RNASEH1: variants seen among roughly 807,000 people sequenced by gnomAD.
The protein encoded by RNASEH1 is ribonuclease H1.
RNASEH1 carries 27 observed loss-of-function variants against 34.6 expected under a neutral mutation model. The observed-to-expected ratio is 0.78, with a 90% CI of 0.58 to 1.08. The LOEUF is 1.08. Ranked by LOEUF, RNASEH1 falls within the 50% of genes least tolerant of loss-of-function variation. RNASEH1 has a pLI of 0.00. For synonymous variants in RNASEH1, 162 were observed against 138.4 expected (o/e 1.17, Z -1.20); for missense variants, 349 against 373.6 (o/e 0.93, Z 0.54).
At chr2:3,556,543 A>C (rs1660519478) in intron 2 of RNASEH1, among the ~76,000 whole-genome samples, 1 of 152,086 alleles carries the variant, frequency 6.6e-6, no homozygotes, top group Non-Finnish European at 1.5e-5. Context: ...TTAAAAAAAG[A>C]CAAGGAATTA....
intron 6 of RNASEH1, 47 bp from the exon 7 acceptor site, chr2:3,548,102 CT>C: frequency 1.9e-6 from 3 of 1,608,816 alleles, no homozygotes; most frequent in African/African-American, 1.3e-5. Flanking sequence ...AGTGTCCTGC[CT>C]TTTTCACCTC....
chr2:3,551,140 C>T lies in RNASEH1; in HGVS notation c.410-668G>A, dbSNP rs536565518. Among the ~76,000 whole-genome samples the T allele has an allele frequency of 3.7e-4, 56 of 152,312 alleles. 1 individual carries two copies. The highest frequency in any genetic ancestry group is 1.2e-3 in the African/African-American group (49 of 41,568). Reference sequence around the variant, plus strand: ...GGCGAGAGGGCAAATAGAGGTGGTACGCGCAGGAAGTGGAAGTACTTGTCC... The same window carrying T: ...GGCGAGAGGGCAAATAGAGGTGGTATGCGCAGGAAGTGGAAGTACTTGTCC... On this transcript the variant is annotated intron_variant, in intron 3 of 7. Coordinates refer to ENST00000315212, the MANE Select transcript of RNASEH1 (RefSeq NM_002936.6).
At chr2:3,557,901 G>C (rs1354018977) in intron 1 of RNASEH1, 1 of 1,509,854 alleles carries the variant, frequency 6.6e-7, no homozygotes, top group Non-Finnish European at 8.9e-7. Context: ...TAACCTTTAC[G>C]CGACGTTTCT....
chr2:3,538,210 G>A (rs1347257515), downstream of RNASEH1, among the ~76,000 whole-genome samples: 3 of 151,450 alleles, frequency 2.0e-5, no homozygotes, highest in Non-Finnish European at 4.4e-5. Context: ...AAGTAGCCGG[G>A]CGTGGTGTTG....
At chr2:3,554,379 AAC>A (rs10532567) in intron 2 of RNASEH1, among the ~76,000 whole-genome samples, 11,953 of 152,302 alleles carry the variant, frequency 0.078, 624 homozygotes, top group Middle Eastern at 0.16. Flanking sequence ...GGAGGAAAAA[AAC>A]ACACTTGTCA....
intron 4 of RNASEH1, 104 bp from the exon 5 acceptor site, chr2:3,549,216 A>G: frequency 1.1e-6 from 1 of 935,730 alleles, no homozygotes; most frequent in Non-Finnish European, 1.7e-6. Context: ...TATTTGAAAT[A>G]TAAAAGCATC....
At chr2:3,557,659 GAAT>G (rs1660647091) in intron 1 of RNASEH1, 1 of 394,656 alleles carries the variant, frequency 2.5e-6, no homozygotes, top group African/African-American at 2.1e-5. Flanking sequence ...CTGAAAGTGA[GAAT>G]AATCCCTCTC....
chr2:3,547,364 C>G (rs568036233), intron 7 of RNASEH1, among the ~76,000 whole-genome samples: 18 of 152,152 alleles, frequency 1.2e-4, no homozygotes, highest in African/African-American at 3.4e-4. Context: ...TTTCGAGAAA[C>G]AGAGTCTCCC....
the RNASEH1 span, among the ~76,000 whole-genome samples, chr2:3,535,696 G>A: frequency 9.9e-5 from 15 of 152,172 alleles, no homozygotes; most frequent in Non-Finnish European, 1.8e-4. Context: ...TTTATTCTGA[G>A]AGGGACAAGG....
chr2:3,556,522 CAAGTATTTTTTTAAAAAA>C (rs1660515578), intron 2 of RNASEH1, among the ~76,000 whole-genome samples: 3 of 152,014 alleles, frequency 2.0e-5, no homozygotes, highest in Admixed American at 2.0e-4. Flanking sequence ...CCAGGCTGGA[CAAGTATTTTTTTAAAAAA>C]AGACAAGGAA....
intron 3 of RNASEH1, among the ~76,000 whole-genome samples, chr2:3,551,263 T>C (rs1447870818): frequency 1.3e-5 from 2 of 152,182 alleles, no homozygotes; most frequent in African/African-American, 4.8e-5. Flanking sequence ...GTGTGGGTGT[T>C]GGGCAGGGCT....
rs1034371415 is a variant in RNASEH1, at chr2:3,541,881, G to C, written c.*3904C>G. 6.6e-6 allele frequency among the ~76,000 whole-genome samples: 1 copy of C among 152,112 alleles called. No homozygotes were observed. The highest frequency in any genetic ancestry group is 1.5e-5 in the Non-Finnish European group (1 of 68,012). Reference sequence around the variant, plus strand: ...TAAAAAGCAAGGTGGGGCCGGCTTTGGTGGCTCACACCTGTAATCCCAGCA... The same window carrying C: ...TAAAAAGCAAGGTGGGGCCGGCTTTCGTGGCTCACACCTGTAATCCCAGCA... On this transcript the variant is annotated 3_prime_UTR_variant, in exon 8 of 8. Transcript: ENST00000315212.
At chr2:3,539,570 T>C (rs1292155185), downstream of RNASEH1, among the ~76,000 whole-genome samples, 1 of 152,130 alleles carries the variant, frequency 6.6e-6, no homozygotes, top group Admixed American at 6.6e-5. Flanking sequence ...GGAGACACAA[T>C]GCAGGCAGAT....
chr2:3,539,101 G>A (rs767996431), downstream of RNASEH1, among the ~76,000 whole-genome samples: 11 of 152,002 alleles, frequency 7.2e-5, no homozygotes, highest in Non-Finnish European at 1.3e-4. Context: ...TGTGATATGA[G>A]TTGCAACTTC....
chr2:3,532,247 A>T, the RNASEH1 span: 1 of 702,302 alleles, frequency 1.4e-6, no homozygotes, highest in Non-Finnish European at 2.6e-6. Context: ...AACATTTCTC[A>T]TGACCCTCAT....
Position 3,545,449 on chromosome 2 carries a change from T to C in RNASEH1, c.*336A>G, listed in dbSNP as rs965010580. The C allele has an allele frequency of 4.2e-5, 11 of 261,032 alleles. No homozygotes were observed. Among genetic ancestry groups the C allele is most frequent in the East Asian group, 8.0e-5 (1 of 12,432 alleles). 16.2% of individuals were successfully genotyped at this position (261,032 alleles called of 1,614,324 possible). On this transcript the variant is annotated 3_prime_UTR_variant, in exon 8 of 8. Coordinates refer to ENST00000315212, the MANE Select transcript of RNASEH1 (RefSeq NM_002936.6). ...CTTCTGAGTTGCATCTTTTAACCAA[T>C]GGTTTTTTGATTTCTTATCAAAATA...
At chr2:3,553,457 C>T (rs996961028) in intron 2 of RNASEH1, among the ~76,000 whole-genome samples, 1 of 151,550 alleles carries the variant, frequency 6.6e-6, no homozygotes, top group African/African-American at 2.4e-5. Context: ...GTGGCGCGAT[C>T]GTGGCTCACT....
At chr2:3,550,525 T>C (rs1659752950) in intron 3 of RNASEH1, 53 bp from the exon 4 acceptor site, 3 of 1,389,920 alleles carry the variant, frequency 2.2e-6, no homozygotes, top group Non-Finnish European at 3.1e-6. Flanking sequence ...AAAACTGAAA[T>C]TCACCTCAAA....
chr2:3,558,314 A>C lies in RNASEH1; in HGVS notation c.-54T>G. The C allele has an allele frequency of 6.8e-7, 1 of 1,472,016 alleles. No homozygotes were observed. Among genetic ancestry groups the C allele is most frequent in the South Asian group, 1.4e-5 (1 of 72,786 alleles). 91.2% of individuals were successfully genotyped at this position (1,472,016 alleles called of 1,614,324 possible). A position where few individuals can be genotyped will look rare whatever the true frequency, so the allele number is the denominator to read the frequency against. ...CGACTCCCGGCCCAGCGTGGGCGCGAGCCGCCGGCGCTCAACACCGCACTT... is the reference window on the plus strand; with the variant it reads ...CGACTCCCGGCCCAGCGTGGGCGCGCGCCGCCGGCGCTCAACACCGCACTT... On this transcript the variant is annotated 5_prime_UTR_variant, in exon 1 of 8. Transcript: ENST00000315212.
Sources: allele counts gnomAD v4.1 joint callset (sites outside exome capture counted in the v4.1 genomes callset), GRCh38; gene constraint gnomAD v4.1.1; transcripts MANE v1.5; gene names NCBI Gene and HGNC (gene_info 2026-07-23, HGNC 2026-07-21).